Variants in ZDHHC21 observed in about 807,000 individuals in gnomAD.
The protein encoded by ZDHHC21 is zDHHC palmitoyltransferase 21, also known as palmitoyltransferase ZDHHC21.
Under a neutral mutation model 34.6 loss-of-function variants are expected in ZDHHC21, and 15 were observed. The ratio of observed to expected loss-of-function variants is 0.43; its 90% CI spans 0.29 to 0.67. The LOEUF is 0.67. Among genes scored for constraint, ZDHHC21 ranks in the 30% least tolerant of loss-of-function variants. ZDHHC21 has a pLI of 0.14. For missense variants in ZDHHC21, 344 were observed against 327.7 expected, an observed-to-expected ratio of 1.05 and a Z score of -0.38; for synonymous variants, 142 against 101.8, an observed-to-expected ratio of 1.40 and a Z score of -2.38.
chr9:14,676,849 G>A (rs551178361), intron 3 of ZDHHC21, among the ~76,000 whole-genome samples: 3 of 152,044 alleles, frequency 2.0e-5, no homozygotes, highest in African/African-American at 7.2e-5. Context: ...AGTGCTAAAA[G>A]AAATGACAAG....
chr9:14,687,658 G>A (rs534203769), intron 2 of ZDHHC21, among the ~76,000 whole-genome samples: 2 of 150,804 alleles, frequency 1.3e-5, no homozygotes, highest in Non-Finnish European at 2.9e-5. Flanking sequence ...TCCAGTCTGG[G>A]TGCCAGAGTA....
chr9:14,638,347 G>A (rs1044737570), intron 8 of ZDHHC21, among the ~76,000 whole-genome samples: 2 of 151,990 alleles, frequency 1.3e-5, no homozygotes, highest in East Asian at 3.8e-4. Flanking sequence ...GCATAAGAAT[G>A]AAGACGGAAA....
rs545158670 is a variant in ZDHHC21, at chr9:14,612,009, C to T, written c.*6957G>A. 2 of 152,068 alleles carry T rather than the reference C, an allele frequency of 1.3e-5. No homozygotes were observed. Among genetic ancestry groups the T allele is most frequent in the South Asian group, 2.1e-4 (1 of 4,816 alleles). 9.4% of individuals were successfully genotyped at this position (152,068 alleles called of 1,614,324 possible). On this transcript the variant is annotated 3_prime_UTR_variant, in exon 10 of 10. Transcript: ENST00000380916. ...CATTCAGCCACATGCATTTAAATCA[C>T]GCATAAACAAGCCAAATTACTCAGA...
chr9:14,632,064 A>T (rs3081747), intron 8 of ZDHHC21, among the ~76,000 whole-genome samples: 1 of 135,070 alleles, frequency 7.4e-6, no homozygotes, highest in African/African-American at 2.8e-5. Context: ...AACACACACA[A>T]ACACACACAC....
chr9:14,600,824 C>T, the ZDHHC21 span, among the ~76,000 whole-genome samples: 1 of 152,158 alleles, frequency 6.6e-6, no homozygotes, highest in Non-Finnish European at 1.5e-5. Context: ...TGGAACAGAA[C>T]AGAGGCCTCA....
intron 3 of ZDHHC21, chr9:14,677,561 G>A (rs1836647750): frequency 6.6e-6 from 1 of 151,982 alleles, no homozygotes; most frequent in Non-Finnish European, 1.5e-5. Context: ...TTCATTAGCT[G>A]GAGATTCTGA....
chr9:14,657,061 T>C (rs1414539378), intron 7 of ZDHHC21, among the ~76,000 whole-genome samples: 3 of 152,048 alleles, frequency 2.0e-5, no homozygotes, highest in African/African-American at 4.8e-5. Context: ...AAGGTGACTG[T>C]CTAATTGCCA....
the ZDHHC21 span, chr9:14,593,840 G>A: frequency 6.6e-6 from 1 of 152,618 alleles, no homozygotes; most frequent in Admixed American, 6.5e-5. Flanking sequence ...AGGGTGAAGG[G>A]CAAGTGCTTC....
intron 3 of ZDHHC21, among the ~76,000 whole-genome samples, chr9:14,678,687 G>A (rs1319500699): frequency 1.3e-5 from 2 of 152,008 alleles, no homozygotes; most frequent in Admixed American, 1.3e-4. Flanking sequence ...AAGTACTCCT[G>A]AGACTGTATA....
At chr9:14,597,846 C>G in the ZDHHC21 span, among the ~76,000 whole-genome samples, 1 of 152,076 alleles carries the variant, frequency 6.6e-6, no homozygotes, top group East Asian at 1.9e-4. Flanking sequence ...ACAGACCCAC[C>G]CAGCCTACCA....
Position 14,618,936 on chromosome 9 carries a change from A to G in ZDHHC21, c.*30T>C. On this transcript the variant is annotated 3_prime_UTR_variant, in exon 10 of 10. Transcript: ENST00000380916. ...AACCTGTAACGCATTGCCAGCATGG[A>G]GGACCCATCTGTGCCCACCATCCAT... 1 of 1,551,968 alleles carries G rather than the reference A, an allele frequency of 6.4e-7. No individual in the cohort carries two copies. The highest frequency in any genetic ancestry group is 2.3e-5 in the East Asian group (1 of 42,826).
chr9:14,590,620 C>G, the ZDHHC21 span, among the ~76,000 whole-genome samples: 2 of 152,000 alleles, frequency 1.3e-5, no homozygotes, highest in African/African-American at 4.8e-5. Context: ...GGGACAAACT[C>G]CACCAACCTC....
chr9:14,594,513 CAAAG>C, the ZDHHC21 span, among the ~76,000 whole-genome samples: 3 of 152,038 alleles, frequency 2.0e-5, no homozygotes. Flanking sequence ...TGTAACGAAA[CAAAG>C]AAAACTTAGA....
chr9:14,673,796 A>T (rs1835883954), intron 4 of ZDHHC21, among the ~76,000 whole-genome samples: 1 of 152,078 alleles, frequency 6.6e-6, no homozygotes, highest in South Asian at 2.1e-4. Flanking sequence ...TCAACTTCGT[A>T]ATCAATACTT....
At chr9:14,686,946 C>A (rs531435405) in intron 2 of ZDHHC21, among the ~76,000 whole-genome samples, 1 of 147,594 alleles carries the variant, frequency 6.8e-6, no homozygotes, top group Non-Finnish European at 1.5e-5. Flanking sequence ...GCACTCCAGC[C>A]TGGGCGACAG....
chr9:14,612,604 T>C lies in ZDHHC21; in HGVS notation c.*6362A>G, dbSNP rs1823493690. On this transcript the variant is annotated 3_prime_UTR_variant, in exon 10 of 10. Coordinates refer to ENST00000380916, the MANE Select transcript of ZDHHC21 (RefSeq NM_178566.6). ...AGTGAGTAACCATATCCAGACTTTT[T>C]TCTTTCATTAAGTTCAATTTTCTGT... 6.6e-6 allele frequency: 1 copy of C among 151,926 alleles called. No homozygotes were observed. Among genetic ancestry groups the C allele is most frequent in the Non-Finnish European group, 1.5e-5 (1 of 67,882 alleles). 9.4% of individuals were successfully genotyped at this position (151,926 alleles called of 1,614,324 possible). A position where few individuals can be genotyped will look rare whatever the true frequency, so the allele number is the denominator to read the frequency against.
rs565897386 is a variant in ZDHHC21, at chr9:14,626,588, T to G, written c.622-6906A>C. Among the ~76,000 whole-genome samples, 3 of 152,058 alleles carry G rather than the reference T, an allele frequency of 2.0e-5. No individual in the cohort carries two copies. In the East Asian group the frequency reaches 5.8e-4, roughly 29 times the overall value. ...ATAAATATGCTTTTACATAGGAACA[T>G]GCATATGCTAAAGAGTAGCCCAATT... On this transcript the variant is annotated intron_variant, in intron 8 of 9. Transcript: ENST00000380916.
At chr9:14,676,095 G>C (rs893168793) in intron 3 of ZDHHC21, among the ~76,000 whole-genome samples, 1 of 151,988 alleles carries the variant, frequency 6.6e-6, no homozygotes, top group African/African-American at 2.4e-5. Flanking sequence ...TTAACATGAC[G>C]AAATGTGTAC....
At chr9:14,661,720 C>A (rs1833429650) in intron 6 of ZDHHC21, among the ~76,000 whole-genome samples, 1 of 152,280 alleles carries the variant, frequency 6.6e-6, no homozygotes, top group South Asian at 2.1e-4. Context: ...ATACTTCCAA[C>A]AAGTACATAA....
Sources: gnomAD v4.1 joint callset for allele counts (sites outside exome capture counted in the v4.1 genomes callset) on GRCh38, gnomAD v4.1.1 for gene constraint, MANE v1.5 for transcripts, NCBI Gene and HGNC (gene_info 2026-07-23, HGNC 2026-07-21) for gene names.